SAMD12: variants seen among roughly 807,000 people sequenced by gnomAD.
SAMD12 encodes sterile alpha motif domain containing 12.
In SAMD12, 9 loss-of-function variants were observed where a neutral mutation model predicts 15.0. The ratio of observed to expected loss-of-function variants is 0.60; its 90% CI spans 0.36 to 1.05. The LOEUF is 1.05. SAMD12 is among the 50% of genes least tolerant of loss of function. The pLI is 0.01. For synonymous variants in SAMD12, 86 were observed against 90.1 expected, an observed-to-expected ratio of 0.96 and a Z score of 0.25; for missense variants, 230 against 234.2, an observed-to-expected ratio of 0.98 and a Z score of 0.12.
exon 5 of SAMD12, chr8:118,197,490 A>T (rs534019565): frequency 1.7e-6 from 1 of 596,532 alleles, no homozygotes; most frequent in South Asian, 2.1e-5. Flanking sequence ...ACTTGGAATG[A>T]GTTGGCATTA....
intron 2 of SAMD12, among the ~76,000 whole-genome samples, chr8:118,570,321 G>T (rs1237578410): frequency 6.6e-6 from 1 of 152,110 alleles, no homozygotes; most frequent in Non-Finnish European, 1.5e-5. Flanking sequence ...ATTAAGCTTA[G>T]TACCCATTAG....
At chr8:118,175,819 T>C in the SAMD12 span, among the ~76,000 whole-genome samples, 11 of 152,284 alleles carry the variant, frequency 7.2e-5, no homozygotes, top group African/African-American at 2.2e-4. Flanking sequence ...ATGGCTATTA[T>C]TAAAAAGTCA....
chr8:118,153,541 AG>A, the SAMD12 span, among the ~76,000 whole-genome samples: 4 of 152,224 alleles, frequency 2.6e-5, no homozygotes, highest in African/African-American at 9.6e-5. Context: ...CAACTTACAC[AG>A]GTAGCCCAGA....
chr8:118,270,268 G>A (rs1208223271), intron 4 of SAMD12, among the ~76,000 whole-genome samples: 2 of 152,138 alleles, frequency 1.3e-5, no homozygotes, highest in Non-Finnish European at 2.9e-5. Context: ...CCAGAATCTT[G>A]GGGGTGGAAG....
intron 2 of SAMD12, among the ~76,000 whole-genome samples, chr8:118,492,597 C>CT (rs1205536232): frequency 6.6e-6 from 1 of 152,136 alleles, no homozygotes; most frequent in African/African-American, 2.4e-5. Flanking sequence ...ATGACTAATA[C>CT]TTTTTGTATA....
downstream of SAMD12, chr8:118,377,858 A>G (rs1200537979): frequency 6.6e-6 from 1 of 152,198 alleles, no homozygotes; most frequent in Admixed American, 6.5e-5. Context: ...ACTAAACAGA[A>G]GCTGGGCAGC....
At chr8:118,424,922 G>A (rs1319282654) in intron 3 of SAMD12, among the ~76,000 whole-genome samples, 1 of 150,154 alleles carries the variant, frequency 6.7e-6, no homozygotes, top group South Asian at 2.1e-4. Context: ...GACAGGAAGA[G>A]AGCATGTGGT....
intron 4 of SAMD12, among the ~76,000 whole-genome samples, chr8:118,215,119 T>C (rs1413524528): frequency 6.6e-6 from 1 of 152,266 alleles, no homozygotes; most frequent in Non-Finnish European, 1.5e-5. Flanking sequence ...ATTTGAAATG[T>C]TAGGCTCTGG....
At chr8:118,304,271 T>C (rs553625471) in intron 4 of SAMD12, among the ~76,000 whole-genome samples, 25 of 152,356 alleles carry the variant, frequency 1.6e-4, no homozygotes, top group African/African-American at 5.8e-4. Context: ...ATAATATTTC[T>C]TCTGTGAGAA....
intron 3 of SAMD12, among the ~76,000 whole-genome samples, chr8:118,417,063 G>A (rs560963821): frequency 6.6e-6 from 1 of 151,822 alleles, no homozygotes; most frequent in Non-Finnish European, 1.5e-5. Context: ...AAAGATTATT[G>A]TTTCCAGAAG....
intron 4 of SAMD12, chr8:118,284,393 CTGTTT>C: frequency 2.2e-6 from 1 of 453,620 alleles, no homozygotes. Flanking sequence ...TCAGAATATC[CTGTTT>C]TGAACATCTG....
At chr8:118,532,996 G>A (rs1269775256) in intron 2 of SAMD12, among the ~76,000 whole-genome samples, 2 of 152,010 alleles carry the variant, frequency 1.3e-5, no homozygotes, top group Non-Finnish European at 1.5e-5. Context: ...GAATGTGTTT[G>A]CTCTTGTTTC....
At chr8:118,239,636 A>C (rs1201693115) in intron 4 of SAMD12, among the ~76,000 whole-genome samples, 1 of 152,120 alleles carries the variant, frequency 6.6e-6, no homozygotes, top group Non-Finnish European at 1.5e-5. Flanking sequence ...TTTATTTTCT[A>C]CCCAGGCCAT....
intron 4 of SAMD12, among the ~76,000 whole-genome samples, chr8:118,328,014 T>C (rs1405299302): frequency 6.6e-6 from 1 of 152,230 alleles, no homozygotes; most frequent in Non-Finnish European, 1.5e-5. Flanking sequence ...TAAGCAAATA[T>C]ATAATAATGT....
At chr8:118,213,621 T>C (rs1298971700) in intron 4 of SAMD12, among the ~76,000 whole-genome samples, 3 of 152,174 alleles carry the variant, frequency 2.0e-5, no homozygotes, top group Non-Finnish European at 4.4e-5. Flanking sequence ...TTTGAGCCTC[T>C]CCAGTATGGG....
chr8:118,600,158 T>C (rs1350958707), intron 1 of SAMD12, among the ~76,000 whole-genome samples: 1 of 152,168 alleles, frequency 6.6e-6, no homozygotes, highest in Non-Finnish European at 1.5e-5. Flanking sequence ...GGTAAGAAAC[T>C]TAGACTTTAT....
chr8:118,549,048 C>A lies in SAMD12; in HGVS notation c.192+31667G>T, dbSNP rs534156978. On this transcript the variant is annotated intron_variant, in intron 2 of 3. Coordinates refer to ENST00000314727, the MANE Select transcript of SAMD12 (RefSeq NM_207506.3). Reference sequence around the variant, plus strand: ...GGAAGCTGGAACTGGGTGGAGCCCACCACAGCTCAAGGAGGCCTGCCTGCC... The same window carrying A: ...GGAAGCTGGAACTGGGTGGAGCCCAACACAGCTCAAGGAGGCCTGCCTGCC... Among the ~76,000 whole-genome samples the A allele has an allele frequency of 2.6e-5, 4 of 152,382 alleles. No homozygotes were observed. The East Asian group carries it at 5.8e-4, about 22-fold the overall frequency.
At chr8:118,256,615 C>T (rs1490788717) in intron 4 of SAMD12, among the ~76,000 whole-genome samples, 2 of 151,848 alleles carry the variant, frequency 1.3e-5, no homozygotes, top group Admixed American at 6.6e-5. Flanking sequence ...GGAAGAAGTT[C>T]CCATTTTACC....
At chr8:118,243,208 C>G (rs569122953) in intron 4 of SAMD12, among the ~76,000 whole-genome samples, 22 of 152,098 alleles carry the variant, frequency 1.4e-4, no homozygotes, top group African/African-American at 4.8e-4. Flanking sequence ...GGTCTTAGAG[C>G]ACAATATCAT....
Sources: gnomAD v4.1 joint callset for allele counts (sites outside exome capture counted in the v4.1 genomes callset) on GRCh38, gnomAD v4.1.1 for gene constraint, MANE v1.5 for transcripts, NCBI Gene and HGNC (gene_info 2026-07-23, HGNC 2026-07-21) for gene names.